The following PKNOX2 variants were observed in gnomAD, a reference collection of about 807,000 sequenced individuals.
The protein encoded by PKNOX2 is homeobox protein PKNOX2.
In PKNOX2, 14 loss-of-function variants were observed where a neutral mutation model predicts 53.1. The observed-to-expected ratio is 0.26, with a 90% CI of 0.17 to 0.41. The LOEUF (loss-of-function observed/expected upper bound fraction) is 0.41. Among genes scored for constraint, PKNOX2 ranks in the 10% least tolerant of loss-of-function variants. The probability of loss-of-function intolerance (pLI) is 1.00; values close to 1 mark genes in which losing one functional copy is unlikely to be tolerated. For missense variants in PKNOX2, 496 were observed against 602.8 expected (o/e 0.82, Z 1.85); for synonymous variants, 257 against 242.8 (o/e 1.06, Z -0.54).
At chr11:125,349,712 T>A (rs1340294730) in intron 3 of PKNOX2, among the ~76,000 whole-genome samples, 1 of 152,114 alleles carries the variant, frequency 6.6e-6, no homozygotes, top group Non-Finnish European at 1.5e-5. Context: ...TTGGTAGACA[T>A]CTATTGAGTG....
At chr11:125,256,203 C>T (rs1178611078) in intron 2 of PKNOX2, among the ~76,000 whole-genome samples, 2 of 152,008 alleles carry the variant, frequency 1.3e-5, no homozygotes, top group Admixed American at 1.3e-4. Context: ...ACAGCAGCCT[C>T]CCCATTCCAT....
At chr11:125,262,478 G>A (rs1210181286) in intron 2 of PKNOX2, among the ~76,000 whole-genome samples, 1 of 151,824 alleles carries the variant, frequency 6.6e-6, no homozygotes, top group Admixed American at 6.6e-5. Flanking sequence ...ATCACGGTGG[G>A]AGGCGGGCTG....
At chr11:125,314,141 T>TGACTC (rs1591524167) in intron 2 of PKNOX2, among the ~76,000 whole-genome samples, 1 of 152,204 alleles carries the variant, frequency 6.6e-6, no homozygotes, top group Admixed American at 6.5e-5. Context: ...AGACCAGCCC[T>TGACTC]GACTCTGGGG....
At chr11:125,213,411 G>A (rs769404373) in intron 1 of PKNOX2, among the ~76,000 whole-genome samples, 45 of 152,122 alleles carry the variant, frequency 3.0e-4, no homozygotes, top group Non-Finnish European at 6.0e-4. Flanking sequence ...TTTGAAAAAT[G>A]CTTTGTAAAC....
rs79877935 is a variant in PKNOX2 at position 125,236,623 on chromosome 11, C to G, written c.-130+1508C>G. Among the ~76,000 whole-genome samples, 37 of 152,352 alleles carry G rather than the reference C, an allele frequency of 2.4e-4. 1 individual carries two copies. In the East Asian group the frequency reaches 6.9e-3, roughly 29 times the overall value. On this transcript the variant is annotated intron_variant, in intron 2 of 12. Transcript: ENST00000298282. ...ACCCAGGAAAGCTCCCTGGCAGGGA[C>G]ACAGCCTTGGGCCTACAGATGGGAA...
At chr11:125,312,150 A>G (rs1208109790) in intron 2 of PKNOX2, among the ~76,000 whole-genome samples, 4 of 152,208 alleles carry the variant, frequency 2.6e-5, no homozygotes, top group Non-Finnish European at 5.9e-5. Context: ...GGGAGTTGTG[A>G]TGATTAAATG....
chr11:125,198,386 A>T (rs1219510685), intron 1 of PKNOX2, among the ~76,000 whole-genome samples: 1 of 152,194 alleles, frequency 6.6e-6, no homozygotes, highest in East Asian at 1.9e-4. Flanking sequence ...CCCATCAATC[A>T]GTTTCAGCCG....
chr11:125,335,910 G>C lies in PKNOX2; in HGVS notation c.-23+3985G>C, dbSNP rs757199753. ...CAGATGGCCCAGGGCAGAGGACATG[G>C]AAGTGGGTGCGTGGTCAGAAAGCTC... On this transcript the variant is annotated intron_variant, in intron 3 of 12. Transcript: ENST00000298282. Among the ~76,000 whole-genome samples, 8 of 152,312 alleles carry C rather than the reference G, an allele frequency of 5.3e-5. No homozygotes were observed. In the East Asian group the frequency reaches 9.7e-4, roughly 18 times the overall value.
chr11:125,369,653 C>A (rs992203975), intron 5 of PKNOX2, among the ~76,000 whole-genome samples: 6 of 152,154 alleles, frequency 3.9e-5, no homozygotes, highest in African/African-American at 9.7e-5. Flanking sequence ...GAGTAACAGA[C>A]CCCACTAGGT....
At chr11:125,430,435 A>G (rs954185785) in intron 12 of PKNOX2, among the ~76,000 whole-genome samples, 9 of 152,184 alleles carry the variant, frequency 5.9e-5, no homozygotes, top group African/African-American at 2.2e-4. Context: ...AGCACCAGTA[A>G]GTATCTGCAC....
chr11:125,331,431 T>C (rs2136109671), intron 2 of PKNOX2, among the ~76,000 whole-genome samples: 1 of 151,562 alleles, frequency 6.6e-6, no homozygotes, highest in Admixed American at 6.6e-5. Context: ...TCTACCACTG[T>C]CCCCCCTTCC....
chr11:125,407,927 A>G (rs1955215288), intron 7 of PKNOX2, among the ~76,000 whole-genome samples: 1 of 152,174 alleles, frequency 6.6e-6, no homozygotes, highest in Admixed American at 6.5e-5. Flanking sequence ...CATGCACTGT[A>G]TACATAAGGA....
intron 6 of PKNOX2, among the ~76,000 whole-genome samples, chr11:125,392,847 G>A (rs906344044): frequency 2.6e-5 from 4 of 152,010 alleles, no homozygotes; most frequent in Non-Finnish European, 5.9e-5. Flanking sequence ...AAGGAATGAC[G>A]ATCGTTTTTG....
intron 10 of PKNOX2, among the ~76,000 whole-genome samples, chr11:125,415,594 A>G (rs1290515659): frequency 6.6e-6 from 1 of 152,130 alleles, no homozygotes; most frequent in Non-Finnish European, 1.5e-5. Flanking sequence ...TCCCAAACTT[A>G]TGTGAACACT....
chr11:125,313,860 A>G (rs370941596), intron 2 of PKNOX2, among the ~76,000 whole-genome samples: 1 of 152,252 alleles, frequency 6.6e-6, no homozygotes, highest in African/African-American at 2.4e-5. Flanking sequence ...GACAGAGAGC[A>G]TTTCCATCAC....
intron 2 of PKNOX2, among the ~76,000 whole-genome samples, chr11:125,257,096 A>T (rs1565480931): frequency 6.6e-6 from 1 of 151,948 alleles, no homozygotes; most frequent in Non-Finnish European, 1.5e-5. Flanking sequence ...ACTATTATTA[A>T]ATCTTCCCCA....
intron 6 of PKNOX2, among the ~76,000 whole-genome samples, chr11:125,388,924 G>A (rs770461205): frequency 7.2e-5 from 11 of 152,218 alleles, no homozygotes; most frequent in Admixed American, 2.0e-4. Context: ...GCCGGGAACC[G>A]TGGCTCATGC....
rs754300485 is a variant in PKNOX2, at chr11:125,431,161, C to G, written c.1193-5C>G. On this transcript the variant is annotated splice_polypyrimidine_tract_variant and splice_region_variant and intron_variant, in intron 12 of 12. Coordinates refer to ENST00000298282, the MANE Select transcript of PKNOX2 (RefSeq NM_001382323.2). Reference sequence around the variant, plus strand: ...CCTCGTCCTGACCCTTGCTTTCTCTCGCAGGTTCCATCAACTTGGACAACC... The same window carrying G: ...CCTCGTCCTGACCCTTGCTTTCTCTGGCAGGTTCCATCAACTTGGACAACC... The G allele has an allele frequency of 8.1e-6, 13 of 1,612,592 alleles. No homozygotes were observed. In the East Asian group the frequency reaches 2.2e-4, roughly 28 times the overall value.
At chr11:125,410,740 T>A in intron 8 of PKNOX2, 39 bp from the exon 9 acceptor site, 1 of 1,519,414 alleles carries the variant, frequency 6.6e-7, no homozygotes, top group African/African-American at 1.4e-5. Flanking sequence ...TCCTACCCAC[T>A]CCCATGGCAG....
Sources: gnomAD v4.1 joint callset for allele counts (sites outside exome capture counted in the v4.1 genomes callset) on GRCh38, gnomAD v4.1.1 for gene constraint, MANE v1.5 for transcripts, NCBI Gene and HGNC (gene_info 2026-07-23, HGNC 2026-07-21) for gene names.